TBC1D32: variants seen among roughly 807,000 people sequenced by gnomAD.
TBC1D32 encodes TBC1 domain family member 32.
In TBC1D32, 151 loss-of-function variants were observed where a neutral mutation model predicts 170.3. That is an observed-to-expected ratio of 0.89 (90% confidence interval 0.78 to 1.01). The LOEUF (loss-of-function observed/expected upper bound fraction) is 1.01, where lower values mean the gene tolerates loss of function less well. TBC1D32 is among the 50% of genes least tolerant of loss of function. TBC1D32 has a pLI of 0.00. For missense variants in TBC1D32, 1,464 were observed against 1,457.1 expected, an observed-to-expected ratio of 1.00 and a Z score of -0.08; for synonymous variants, 498 against 488.0, an observed-to-expected ratio of 1.02 and a Z score of -0.27.
At chr6:121,303,061 C>G (rs982041171) in intron 9 of TBC1D32, among the ~76,000 whole-genome samples, 1 of 152,118 alleles carries the variant, frequency 6.6e-6, no homozygotes, top group Non-Finnish European at 1.5e-5. Context: ...ACAGACCTCT[C>G]TTAGTTAACA....
intron 22 of TBC1D32, among the ~76,000 whole-genome samples, chr6:121,191,451 T>C (rs75280379): frequency 0.012 from 1,816 of 152,254 alleles, 14 homozygotes; most frequent in Non-Finnish European, 0.018. Flanking sequence ...CTTTCAATTT[T>C]CAATACACAT....
At chr6:121,287,690 C>T (rs1382467333) in intron 12 of TBC1D32, among the ~76,000 whole-genome samples, 2 of 152,176 alleles carry the variant, frequency 1.3e-5, no homozygotes, top group African/African-American at 2.4e-5. Flanking sequence ...CCCAAATCAA[C>T]AGAATATACA....
chr6:121,215,484 T>C (rs1163548363), intron 21 of TBC1D32, among the ~76,000 whole-genome samples: 2 of 152,190 alleles, frequency 1.3e-5, no homozygotes, highest in Non-Finnish European at 2.9e-5. Context: ...CCAAAACCAA[T>C]TGCGACAAGA....
intron 17 of TBC1D32, among the ~76,000 whole-genome samples, chr6:121,247,021 T>A (rs1797701752): frequency 6.6e-6 from 1 of 152,018 alleles, no homozygotes; most frequent in Non-Finnish European, 1.5e-5. Flanking sequence ...CACATAGTCA[T>A]AAGGTTATCT....
At chr6:121,138,931 G>A (rs903903244) in intron 24 of TBC1D32, among the ~76,000 whole-genome samples, 31 of 150,804 alleles carry the variant, frequency 2.1e-4, no homozygotes, top group African/African-American at 5.6e-4. Context: ...TGCAAGCTCC[G>A]CCTCCCGGGT....
At chr6:121,180,294 A>G (rs968608560) in intron 22 of TBC1D32, among the ~76,000 whole-genome samples, 12 of 152,206 alleles carry the variant, frequency 7.9e-5, no homozygotes, top group African/African-American at 2.9e-4. Context: ...TGAAAAGACC[A>G]AAGCAAGAAG....
intron 22 of TBC1D32, among the ~76,000 whole-genome samples, chr6:121,190,078 ACACACACACACACACACACACAC>A (rs1789758651): frequency 3.5e-5 from 1 of 28,172 alleles, no homozygotes; most frequent in African/African-American, 9.2e-5. Context: ...ATACAGACAC[ACACACACACACACACACACACAC>A]ACACACACAC....
rs576634880 is a variant in TBC1D32, at chr6:121,096,155, TC to T, written c.3466-5115del. 7.9e-5 allele frequency: 12 copies of T among 152,252 alleles called. No homozygotes were observed. The East Asian group carries it at 1.7e-3, about 22-fold the overall frequency. 9.4% of individuals were successfully genotyped at this position (152,252 alleles called of 1,614,324 possible). ...GGGATTCAATTTCTTCCTGGTTTAG[TC>T]TTGGGAGGGTGTATGTGTCCAGGAA... On this transcript the variant is annotated intron_variant, in intron 30 of 31. Coordinates refer to ENST00000398212, the MANE Select transcript of TBC1D32 (RefSeq NM_152730.6).
At chr6:121,330,941 T>C (rs1421531071) in intron 1 of TBC1D32, among the ~76,000 whole-genome samples, 1 of 152,182 alleles carries the variant, frequency 6.6e-6, no homozygotes, top group Non-Finnish European at 1.5e-5. Context: ...GCAGGAGAGC[T>C]TGGATCTTTT....
chr6:121,276,639 G>A (rs1056552693), intron 15 of TBC1D32, among the ~76,000 whole-genome samples: 1 of 151,998 alleles, frequency 6.6e-6, no homozygotes, highest in Non-Finnish European at 1.5e-5. Context: ...CCAACTACAT[G>A]TTGTCTATAA....
rs1554231109 is a variant in TBC1D32 at position 121,110,266 on chromosome 6, T to TA, written c.3324+2238_3324+2239insT. On this transcript the variant is annotated intron_variant, in intron 29 of 31. Coordinates refer to ENST00000398212, the MANE Select transcript of TBC1D32 (RefSeq NM_152730.6). ...ACTCTGTCTCAAAAAAAAAAAAATT[T>TA]TATATATATATATAAAAATATATAA... 1.3e-4 allele frequency among the ~76,000 whole-genome samples: 19 copies of TA among 144,018 alleles called. No homozygotes were observed. The South Asian group carries it at 1.5e-3, about 12-fold the overall frequency. 94.5% of individuals were successfully genotyped at this position (144,018 alleles called of 152,430 possible).
In TBC1D32 at chr6:121,204,040, A is replaced by G. The variant is rs183964065; in HGVS notation, c.2570+1035T>C. Among the ~76,000 whole-genome samples, 15 of 151,388 alleles carry G rather than the reference A, an allele frequency of 9.9e-5. No homozygotes were observed. In the East Asian group the frequency reaches 2.1e-3, roughly 21 times the overall value. ...TCAGTATATCAACAACAAGAGGCCA[A>G]AATCGATGTTCTATAACTGCAAAAC... On this transcript the variant is annotated intron_variant, in intron 22 of 31. Transcript: ENST00000398212.
chr6:121,085,334 T>C (rs917597725), intron 31 of TBC1D32, among the ~76,000 whole-genome samples: 8 of 128,424 alleles, frequency 6.2e-5, no homozygotes, highest in Admixed American at 2.3e-4. Flanking sequence ...TATATATACA[T>C]ACATATATAT....
intron 24 of TBC1D32, among the ~76,000 whole-genome samples, chr6:121,134,953 G>A (rs1297593032): frequency 1.4e-5 from 2 of 144,356 alleles, no homozygotes; most frequent in African/African-American, 5.5e-5. Flanking sequence ...GGCAGACAGA[G>A]ACAAAGGCCC....
intron 3 of TBC1D32, among the ~76,000 whole-genome samples, chr6:121,314,973 C>A (rs554182127): frequency 6.6e-6 from 1 of 152,224 alleles, no homozygotes; most frequent in African/African-American, 2.4e-5. Context: ...ATCTTCTCAA[C>A]ATCCCTATAC....
intron 30 of TBC1D32, among the ~76,000 whole-genome samples, chr6:121,093,262 C>T (rs1360183002): frequency 6.6e-6 from 1 of 151,966 alleles, no homozygotes; most frequent in Non-Finnish European, 1.5e-5. Flanking sequence ...CCAATAAATC[C>T]CTGTAATATG....
intron 31 of TBC1D32, among the ~76,000 whole-genome samples, chr6:121,083,027 T>C (rs1160852781): frequency 6.6e-6 from 1 of 152,062 alleles, no homozygotes; most frequent in Admixed American, 6.6e-5. Context: ...GAACATTTTT[T>C]CATCTTATCC....
At chr6:121,228,952 C>T (rs1026135393) in intron 20 of TBC1D32, among the ~76,000 whole-genome samples, 7 of 152,100 alleles carry the variant, frequency 4.6e-5, no homozygotes, top group Admixed American at 2.0e-4. Flanking sequence ...GTCTTTCTGG[C>T]GTATTGACCA....
At chr6:121,212,068 A>C (rs1583234887) in intron 21 of TBC1D32, among the ~76,000 whole-genome samples, 1 of 152,086 alleles carries the variant, frequency 6.6e-6, no homozygotes, top group Admixed American at 6.6e-5. Flanking sequence ...AGAAATACAA[A>C]TAACAATCAA....
Sources: gnomAD v4.1 joint callset for allele counts (sites outside exome capture counted in the v4.1 genomes callset) on GRCh38, gnomAD v4.1.1 for gene constraint, MANE v1.5 for transcripts, NCBI Gene and HGNC (gene_info 2026-07-23, HGNC 2026-07-21) for gene names.